Variants in ADAMTS6 observed in about 807,000 individuals in gnomAD.
ADAMTS6 encodes ADAM metallopeptidase with thrombospondin type 1 motif 6, also known as A disintegrin and metalloproteinase with thrombospondin motifs 6.
ADAMTS6 carries 23 observed loss-of-function variants against 144.3 expected under a neutral mutation model. The ratio of observed to expected loss-of-function variants is 0.16; its 90% CI spans 0.11 to 0.23. The LOEUF (loss-of-function observed/expected upper bound fraction) is 0.23, where lower values mean the gene tolerates loss of function less well. Among genes scored for constraint, ADAMTS6 ranks in the 10% least tolerant of loss-of-function variants. The pLI is 1.00. For missense variants in ADAMTS6, 999 were observed against 1,379.6 expected (o/e 0.72, Z 4.37); for synonymous variants, 444 against 457.5 (o/e 0.97, Z 0.38).
chr5:65,304,304 A>G (rs920889449), intron 9 of ADAMTS6, among the ~76,000 whole-genome samples: 4 of 152,238 alleles, frequency 2.6e-5, no homozygotes, highest in Non-Finnish European at 5.9e-5. Flanking sequence ...GCTTCAAAAG[A>G]TCCCTGTAAT....
chr5:65,459,629 C>CT (rs1418012510), intron 4 of ADAMTS6, among the ~76,000 whole-genome samples: 1 of 152,246 alleles, frequency 6.6e-6, no homozygotes, highest in Non-Finnish European at 1.5e-5. Context: ...TTCTCCACTT[C>CT]TACACAGCTA....
chr5:65,443,498 T>C (rs1180428759), intron 7 of ADAMTS6, among the ~76,000 whole-genome samples: 1 of 151,706 alleles, frequency 6.6e-6, no homozygotes, highest in African/African-American at 2.4e-5. Flanking sequence ...GGTGCACGCC[T>C]GTAGTACCAG....
chr5:65,312,947 A>G (rs1329096087), intron 9 of ADAMTS6, among the ~76,000 whole-genome samples: 1 of 151,996 alleles, frequency 6.6e-6, no homozygotes. Flanking sequence ...CTTTAGTACT[A>G]TGAGAAAAAT....
rs1446098317 is a variant in ADAMTS6 at position 65,214,639 on chromosome 5, T to C, written c.2575+155A>G. The C allele has an allele frequency of 2.9e-6, 3 of 1,031,244 alleles. No homozygotes were observed. Among genetic ancestry groups the C allele is most frequent in the Non-Finnish European group, 1.4e-6 (1 of 693,062 alleles). 63.9% of individuals were successfully genotyped at this position (1,031,244 alleles called of 1,614,324 possible). A position where few individuals can be genotyped will look rare whatever the true frequency, so the allele number is the denominator to read the frequency against. On this transcript the variant is annotated intron_variant, in intron 20 of 24. Coordinates refer to ENST00000381055, the MANE Select transcript of ADAMTS6 (RefSeq NM_197941.4). This position sits in a 1 kb window ranked among gnomAD's most constrained non-coding sequence, Gnocchi z 4.6. The stretch of plus-strand genomic sequence containing the variant: ...GGTTGAAAACAAATGGAATATAATA[T>C]AATTAAAGCAAAGTTTCTTTTGCTA...
intron 1 of ADAMTS6, 92 bp downstream of exon 1, chr5:65,481,251 A>C (rs1158166645): frequency 1.3e-5 from 2 of 151,230 alleles, no homozygotes; most frequent in African/African-American, 4.9e-5. Flanking sequence ...ACAGAAAAAA[A>C]GTTTTCTAAG....
chr5:65,334,227 G>T, intron 7 of ADAMTS6, 142 bp from the exon 8 acceptor site: 2 of 903,718 alleles, frequency 2.2e-6, no homozygotes, highest in Non-Finnish European at 3.2e-6. Context: ...GGCATTTTCA[G>T]CACTCTACAG....
At chr5:65,333,997 TAAAAAAAAAAAAAAAAAAA>T in intron 8 of ADAMTS6, 26 bp downstream of exon 8, 1 of 841,056 alleles carries the variant, frequency 1.2e-6, no homozygotes, top group South Asian at 3.2e-5. Context: ...CTACCTTTAT[TAAAAAAAAAAAAAAAAAAA>T]AAAAAAAAAA....
intron 14 of ADAMTS6, among the ~76,000 whole-genome samples, chr5:65,256,137 T>C (rs933174438): frequency 1.3e-5 from 2 of 152,226 alleles, no homozygotes; most frequent in South Asian, 2.1e-4. Context: ...CCGTCCTATA[T>C]GGTTGCCACC....
intron 9 of ADAMTS6, among the ~76,000 whole-genome samples, chr5:65,327,999 A>G (rs536682727): frequency 1.0e-3 from 153 of 151,740 alleles, no homozygotes; most frequent in Non-Finnish European, 1.7e-3. Flanking sequence ...TTAAAGATAA[A>G]CTGCTTGGTT....
At chr5:65,311,618 T>C (rs1450544671) in intron 9 of ADAMTS6, among the ~76,000 whole-genome samples, 9 of 152,128 alleles carry the variant, frequency 5.9e-5, no homozygotes, top group Admixed American at 5.9e-4. Context: ...TTTGTGATCA[T>C]ATTTTGTGTC....
chr5:65,356,159 TATTTCATACATTC>T (rs1315092384), intron 7 of ADAMTS6, among the ~76,000 whole-genome samples: 1 of 151,908 alleles, frequency 6.6e-6, no homozygotes, highest in African/African-American at 2.4e-5. Context: ...TTTTTCAATG[TATTTCATACATTC>T]AATTCATCAA....
chr5:65,460,737 T>G (rs1189326018), intron 3 of ADAMTS6, among the ~76,000 whole-genome samples: 2 of 152,230 alleles, frequency 1.3e-5, no homozygotes, highest in African/African-American at 4.8e-5. Context: ...CAGAGGGTTA[T>G]GTAACACTTT....
intron 15 of ADAMTS6, among the ~76,000 whole-genome samples, chr5:65,229,085 C>T (rs1757941653): frequency 6.6e-6 from 1 of 152,162 alleles, no homozygotes; most frequent in Non-Finnish European, 1.5e-5. Flanking sequence ...ATGCAGACAG[C>T]CAACACAACT....
chr5:65,363,344 C>T (rs1479080937), intron 7 of ADAMTS6, among the ~76,000 whole-genome samples: 1 of 152,084 alleles, frequency 6.6e-6, no homozygotes, highest in African/African-American at 2.4e-5. Context: ...AATCTACGAC[C>T]AGCAAGGTTG....
intron 7 of ADAMTS6, among the ~76,000 whole-genome samples, chr5:65,362,182 T>G (rs1678878017): frequency 6.6e-6 from 1 of 152,230 alleles, no homozygotes; most frequent in Non-Finnish European, 1.5e-5. Flanking sequence ...CCACAGATTA[T>G]AAAATGAGGC....
At chr5:65,473,538 A>T (rs764328426) in intron 2 of ADAMTS6, 39 bp downstream of exon 2, 1 of 1,511,032 alleles carries the variant, frequency 6.6e-7, no homozygotes, top group Non-Finnish European at 9.1e-7. Flanking sequence ...TCCAATTAAT[A>T]GCAATATTTT....
chr5:65,329,583 G>T, intron 8 of ADAMTS6, 100 bp from the exon 9 acceptor site: 1 of 982,682 alleles, frequency 1.0e-6, no homozygotes, highest in Non-Finnish European at 1.4e-6. Context: ...TAACCTCCAT[G>T]CACAGAAGGA....
intron 18 of ADAMTS6, among the ~76,000 whole-genome samples, chr5:65,223,662 A>G (rs1012683152): frequency 6.6e-6 from 1 of 152,170 alleles, no homozygotes; most frequent in Non-Finnish European, 1.5e-5. Flanking sequence ...AAGGCTGAAT[A>G]ATATTCTATT....
rs991795853 is a variant in ADAMTS6 at position 65,374,510 on chromosome 5, T to C, written c.1074-40425A>G. Among the ~76,000 whole-genome samples the C allele has an allele frequency of 7.9e-5, 12 of 151,024 alleles. No homozygotes were observed. In the South Asian group the frequency reaches 1.7e-3, roughly 21 times the overall value. ...ATCATGAGTGAACTCCCATTCACAA[T>C]TGCTTCAAAGAGAATAAAATACCTA... is the stretch of plus-strand genomic sequence containing the variant. On this transcript the variant is annotated intron_variant, in intron 7 of 24. Transcript: ENST00000381055.
Sources: gnomAD v4.1 joint callset for allele counts (sites outside exome capture counted in the v4.1 genomes callset) on GRCh38, gnomAD v4.1.1 for gene constraint, Gnocchi (gnomAD v3.1) non-coding constraint, MANE v1.5 for transcripts, NCBI Gene and HGNC (gene_info 2026-07-23, HGNC 2026-07-21) for gene names.